The following RHOJ variants were observed in gnomAD, a reference collection of about 807,000 sequenced individuals.
RHOJ encodes the protein rho-related GTP-binding protein RhoJ.
A neutral mutation model predicts 23.4 loss-of-function variants in RHOJ; 11 were observed. That is an observed-to-expected ratio of 0.47 (90% confidence interval 0.30 to 0.78). RHOJ has a LOEUF of 0.78. Ranked by LOEUF, RHOJ falls within the 30% of genes least tolerant of loss-of-function variation. The pLI is 0.08. For synonymous variants in RHOJ, 102 were observed against 102.7 expected, an observed-to-expected ratio of 0.99 and a Z score of 0.04; for missense variants, 254 against 273.4, an observed-to-expected ratio of 0.93 and a Z score of 0.50.
At chr14:63,208,680 C>T (rs908083554) in intron 1 of RHOJ, among the ~76,000 whole-genome samples, 4 of 152,280 alleles carry the variant, frequency 2.6e-5, no homozygotes, top group Non-Finnish European at 4.4e-5. Context: ...ACCAAATGTT[C>T]GGAAACACTG....
intron 4 of RHOJ, among the ~76,000 whole-genome samples, chr14:63,284,993 T>C (rs1347979703): frequency 6.6e-6 from 1 of 152,204 alleles, no homozygotes; most frequent in Non-Finnish European, 1.5e-5. Flanking sequence ...GCTTACAAAA[T>C]CCAATTTAGA....
intron 4 of RHOJ, among the ~76,000 whole-genome samples, chr14:63,284,109 G>C (rs1594778800): frequency 1.3e-5 from 2 of 152,280 alleles, no homozygotes; most frequent in African/African-American, 4.8e-5. Context: ...ACCGCAGGCA[G>C]AGTTAGAAGT....
intron 1 of RHOJ, among the ~76,000 whole-genome samples, chr14:63,243,295 C>A (rs1566616054): frequency 6.6e-6 from 1 of 152,112 alleles, no homozygotes; most frequent in Admixed American, 6.6e-5. Flanking sequence ...TGCTCCTATT[C>A]CCATGCTGTT....
chr14:63,217,000 G>C (rs1276562380), intron 1 of RHOJ, among the ~76,000 whole-genome samples: 1 of 151,744 alleles, frequency 6.6e-6, no homozygotes, highest in Non-Finnish European at 1.5e-5. Context: ...TCTCATCCCT[G>C]TCATCCTCAG....
Position 63,269,155 on chromosome 14 carries a change from A to T in RHOJ, c.224A>T (p.Asp75Val), listed in dbSNP as rs374602606. The T allele has an allele frequency of 1.2e-6, 2 of 1,612,026 alleles. No homozygotes were observed. Among genetic ancestry groups the T allele is most frequent in the Non-Finnish European group, 1.7e-6 (2 of 1,178,198 alleles). Residue 75 changes from aspartate to valine, a missense_variant, in exon 2 of 5, where the codon GAC becomes GTC. Physicochemically the swap from Asp to Val is radical, Grantham distance 152. Transcript: ENST00000316754. ...GGKQHLLGLY[D>V]TAGQEDYNQL... ...AAGCAACACTTGCTCGGACTGTATGACACCGCGGGACAGGTACATTTTTAT... is the reference window on the plus strand; with the variant it reads ...AAGCAACACTTGCTCGGACTGTATGTCACCGCGGGACAGGTACATTTTTAT...
chr14:63,235,968 T>C (rs939249697), intron 1 of RHOJ, among the ~76,000 whole-genome samples: 1 of 152,226 alleles, frequency 6.6e-6, no homozygotes, highest in Admixed American at 6.5e-5. Flanking sequence ...AGGAGAAAAA[T>C]GTGCACATGG....
intron 1 of RHOJ, 59 bp from the exon 2 acceptor site, chr14:63,269,051 C>A: frequency 1.6e-6 from 2 of 1,212,514 alleles, no homozygotes; most frequent in African/African-American, 3.0e-5. Context: ...TGTGAAGGCT[C>A]CTGATTGAAG....
chr14:63,227,885 AG>A (rs1379467696), intron 1 of RHOJ, among the ~76,000 whole-genome samples: 2 of 152,232 alleles, frequency 1.3e-5, no homozygotes, highest in Non-Finnish European at 2.9e-5. Flanking sequence ...GCACCTTCCA[AG>A]GTTCTGGAAT....
At chr14:63,258,016 C>A in intron 1 of RHOJ, among the ~76,000 whole-genome samples, 1 of 149,656 alleles carries the variant, frequency 6.7e-6, no homozygotes, top group East Asian at 2.1e-4. Flanking sequence ...CACCTGAGGT[C>A]AGGAGTTCAA....
chr14:63,217,337 G>T (rs1445852304), intron 1 of RHOJ, among the ~76,000 whole-genome samples: 1 of 149,848 alleles, frequency 6.7e-6, no homozygotes, highest in Non-Finnish European at 1.5e-5. Context: ...AATATGTGGT[G>T]TTTGGTTTTT....
In RHOJ at chr14:63,258,042, C is replaced by T. The variant is rs529008841; in HGVS notation, c.179-11068C>T. Among the ~76,000 whole-genome samples the T allele has an allele frequency of 6.1e-4, 92 of 149,674 alleles. 2 individuals carry two copies. The highest frequency in any genetic ancestry group is 2.2e-3 in the African/African-American group (90 of 40,592). On this transcript the variant is annotated intron_variant, in intron 1 of 4. Coordinates refer to ENST00000316754, the MANE Select transcript of RHOJ (RefSeq NM_020663.5). The stretch of plus-strand genomic sequence containing the variant: ...AGGAGTTCAAGACCAGCCTAGCCAA[C>T]ATGGTGAAACTCCATCTCTACTAAA...
At chr14:63,217,451 A>G (rs1894389643) in intron 1 of RHOJ, among the ~76,000 whole-genome samples, 2 of 152,102 alleles carry the variant, frequency 1.3e-5, no homozygotes, top group South Asian at 4.1e-4. Context: ...AGGATTCCCT[A>G]TTTAATAAAT....
At chr14:63,276,524 T>C (rs1881723799) in intron 2 of RHOJ, among the ~76,000 whole-genome samples, 1 of 152,224 alleles carries the variant, frequency 6.6e-6, no homozygotes, top group African/African-American at 2.4e-5. Flanking sequence ...CCTTATATAG[T>C]TCATACAGCA....
chr14:63,289,475 C>T (rs1477989776), intron 4 of RHOJ, among the ~76,000 whole-genome samples: 1 of 152,202 alleles, frequency 6.6e-6, no homozygotes, highest in Non-Finnish European at 1.5e-5. Context: ...GCCATTTAGC[C>T]AACCTCTTCT....
chr14:63,219,912 G>A (rs912628150), intron 1 of RHOJ, among the ~76,000 whole-genome samples: 9 of 152,014 alleles, frequency 5.9e-5, no homozygotes, highest in African/African-American at 2.2e-4. Context: ...CTAAGAGAAA[G>A]GCAGCAGTAC....
At chr14:63,281,201 G>T (rs756625474) in intron 3 of RHOJ, 66 bp downstream of exon 3, 51 of 1,463,852 alleles carry the variant, frequency 3.5e-5, no homozygotes, top group Non-Finnish European at 4.6e-5. Flanking sequence ...TAGGTACCTC[G>T]TGAACATCCT....
At chr14:63,270,030 T>C (rs1362072038) in intron 2 of RHOJ, among the ~76,000 whole-genome samples, 4 of 152,222 alleles carry the variant, frequency 2.6e-5, no homozygotes, top group Non-Finnish European at 5.9e-5. Context: ...TTGGGTCATC[T>C]ATTTAGGTCA....
At chr14:63,290,839 T>C in intron 4 of RHOJ, 39 bp from the exon 5 acceptor site, 1 of 1,569,044 alleles carries the variant, frequency 6.4e-7, no homozygotes, top group Non-Finnish European at 8.6e-7. Context: ...CTTTTCTCTC[T>C]TTTTTATCTC....
In RHOJ at chr14:63,237,549, T is replaced by C. The variant is rs111569621; in HGVS notation, c.179-31561T>C. On this transcript the variant is annotated intron_variant, in intron 1 of 4. Transcript: ENST00000316754. ...CTCTTAGGCCAAAGCAGGAGACTAG[T>C]ATGTGGCATGCATCCTGTTAGCCAT... Among the ~76,000 whole-genome samples the C allele has an allele frequency of 5.9e-3, 892 of 152,266 alleles. 7 individuals are homozygous for C. The highest frequency in any genetic ancestry group is 0.02 in the African/African-American group (827 of 41,560).
Sources: gnomAD v4.1 joint callset for allele counts (sites outside exome capture counted in the v4.1 genomes callset) on GRCh38, gnomAD v4.1.1 for gene constraint, MANE v1.5 for transcripts, NCBI Gene and HGNC (gene_info 2026-07-23, HGNC 2026-07-21) for gene names.